The following EBF1 variants were observed in gnomAD, a reference collection of about 807,000 sequenced individuals.
The protein encoded by EBF1 is transcription factor COE1.
EBF1 carries 10 observed loss-of-function variants against 68.4 expected under a neutral mutation model. That is an observed-to-expected ratio of 0.15 (90% confidence interval 0.09 to 0.25). The LOEUF (loss-of-function observed/expected upper bound fraction) is 0.25. EBF1 is among the 10% of genes least tolerant of loss of function. The pLI is 1.00. For synonymous variants in EBF1, 298 were observed against 299.8 expected, an observed-to-expected ratio of 0.99 and a Z score of 0.06; for missense variants, 509 against 794.4, an observed-to-expected ratio of 0.64 and a Z score of 4.32.
chr5:159,084,968 A>T (rs1437332168), intron 4 of EBF1, among the ~76,000 whole-genome samples: 2 of 152,156 alleles, frequency 1.3e-5, no homozygotes, highest in African/African-American at 4.8e-5. Flanking sequence ...ACATCTCTGG[A>T]TCAGAGTATG....
chr5:158,743,594 C>T (rs578067098), intron 10 of EBF1, among the ~76,000 whole-genome samples: 1 of 152,108 alleles, frequency 6.6e-6, no homozygotes, highest in Admixed American at 6.5e-5. Flanking sequence ...AAATAAAAGA[C>T]CAACTAATGA....
At chr5:159,048,306 A>G (rs956818836) in intron 6 of EBF1, among the ~76,000 whole-genome samples, 19 of 152,340 alleles carry the variant, frequency 1.2e-4, no homozygotes, top group Non-Finnish European at 2.4e-4. Context: ...CTCAGCTTCT[A>G]TAACAGATGC....
intron 6 of EBF1, among the ~76,000 whole-genome samples, chr5:158,957,682 A>G (rs549264570): frequency 4.6e-5 from 7 of 152,350 alleles, no homozygotes; most frequent in Admixed American, 3.9e-4. Context: ...CTGGCACCAG[A>G]GGCTGAATCA....
intron 6 of EBF1, among the ~76,000 whole-genome samples, chr5:158,845,346 G>A (rs545353525): frequency 1.1e-4 from 17 of 152,246 alleles, no homozygotes; most frequent in South Asian, 4.1e-4. Context: ...AGCTTTCACC[G>A]TAATTTTAGC....
In EBF1 at chr5:158,944,076, T is replaced by A. The variant is rs565667908; in HGVS notation, c.555-103966A>T. On this transcript the variant is annotated intron_variant, in intron 6 of 15. Transcript: ENST00000313708. Reference sequence around the variant, plus strand: ...TTGAAATTCATCAGTTATTCTTTACTTTTTTATTATTATACTTTAAGTTCT... The same window carrying A: ...TTGAAATTCATCAGTTATTCTTTACATTTTTATTATTATACTTTAAGTTCT... Among the ~76,000 whole-genome samples the A allele has an allele frequency of 2.6e-5, 4 of 152,328 alleles. No homozygotes were observed. The East Asian group carries it at 7.7e-4, about 29-fold the overall frequency.
In EBF1 at chr5:158,721,957, A is replaced by G. The variant is rs537227299; in HGVS notation, c.1126-7775T>C. 2.7e-5 allele frequency among the ~76,000 whole-genome samples: 4 copies of G among 150,688 alleles called. No homozygotes were observed. In the East Asian group the frequency reaches 7.8e-4, roughly 30 times the overall value. On this transcript the variant is annotated intron_variant, in intron 11 of 15. Coordinates refer to ENST00000313708, the MANE Select transcript of EBF1 (RefSeq NM_024007.5). ...TTTTCTTCTAAATGGTGTCATGGTA[A>G]TTGGTGAATGGGAGCCTGGGGTGCT...
intron 6 of EBF1, among the ~76,000 whole-genome samples, chr5:158,976,682 T>C (rs1228207666): frequency 6.6e-6 from 1 of 152,204 alleles, no homozygotes; most frequent in East Asian, 1.9e-4. Flanking sequence ...ACCCATAAAA[T>C]GTAACCTAAA....
intron 10 of EBF1, among the ~76,000 whole-genome samples, chr5:158,744,405 G>A (rs1767108185): frequency 6.6e-6 from 1 of 152,110 alleles, no homozygotes; most frequent in South Asian, 2.1e-4. Context: ...AATATAAGGT[G>A]TTATCAACAC....
chr5:159,030,910 T>G (rs1018639824), intron 6 of EBF1, among the ~76,000 whole-genome samples: 6 of 152,154 alleles, frequency 3.9e-5, no homozygotes, highest in African/African-American at 7.2e-5. Context: ...TGGTGGTTCA[T>G]GCCTATAATC....
At chr5:159,047,624 T>C (rs960522897) in intron 6 of EBF1, among the ~76,000 whole-genome samples, 1 of 152,166 alleles carries the variant, frequency 6.6e-6, no homozygotes, top group Admixed American at 6.5e-5. Context: ...TGTTTTGACA[T>C]TGAGTTTTCA....
intron 6 of EBF1, among the ~76,000 whole-genome samples, chr5:158,919,171 G>C (rs921433446): frequency 6.6e-6 from 1 of 152,144 alleles, no homozygotes; most frequent in African/African-American, 2.4e-5. Context: ...ACCTCCCAAA[G>C]AGCAAGAAAC....
intron 6 of EBF1, among the ~76,000 whole-genome samples, chr5:158,987,463 C>G (rs1333593146): frequency 5.3e-5 from 8 of 152,090 alleles, no homozygotes; most frequent in Non-Finnish European, 5.9e-5. Context: ...CTTTTAATAC[C>G]CATTATTTCA....
intron 10 of EBF1, among the ~76,000 whole-genome samples, chr5:158,756,132 T>C (rs1318174663): frequency 3.9e-5 from 6 of 152,094 alleles, no homozygotes; most frequent in Non-Finnish European, 8.8e-5. Flanking sequence ...TACTGGAGTC[T>C]TGGTTGAGCC....
intron 6 of EBF1, among the ~76,000 whole-genome samples, chr5:159,050,115 C>T (rs571525380): frequency 1.3e-5 from 2 of 151,878 alleles, no homozygotes; most frequent in Admixed American, 1.3e-4. Context: ...AACCAGGGGA[C>T]AGCGGGGAGA....
At chr5:159,007,809 G>A (rs1433336798) in intron 6 of EBF1, among the ~76,000 whole-genome samples, 1 of 151,876 alleles carries the variant, frequency 6.6e-6, no homozygotes, top group African/African-American at 2.4e-5. Context: ...TCAGAAATGA[G>A]GGGTGTTAGA....
intron 15 of EBF1, among the ~76,000 whole-genome samples, chr5:158,707,014 C>G (rs753505363): frequency 3.3e-5 from 5 of 152,228 alleles, no homozygotes; most frequent in African/African-American, 7.2e-5. Flanking sequence ...TCTCTTTTAG[C>G]ACCTCTGAAT....
intron 6 of EBF1, among the ~76,000 whole-genome samples, chr5:159,023,120 C>T (rs925682586): frequency 8.6e-5 from 13 of 151,672 alleles, no homozygotes; most frequent in East Asian, 7.8e-4. Flanking sequence ...AGCTGTGCTT[C>T]ACTGCAGAAA....
intron 6 of EBF1, among the ~76,000 whole-genome samples, chr5:158,883,357 TATATAC>T (rs1433769105): frequency 2.0e-5 from 3 of 151,276 alleles, no homozygotes; most frequent in Non-Finnish European, 4.4e-5. Context: ...TGTATATATA[TATATAC>T]ACATACATAC....
rs60867564 is a variant in EBF1, at chr5:158,897,054, G to A, written c.555-56944C>T. ...TTGTTAAGGGTCTATTAGACCCTTAGTATTACTGCAGGGCAACTGAAATCA... is the reference window on the plus strand; with the variant it reads ...TTGTTAAGGGTCTATTAGACCCTTAATATTACTGCAGGGCAACTGAAATCA... On this transcript the variant is annotated intron_variant, in intron 6 of 15. Coordinates refer to ENST00000313708, the MANE Select transcript of EBF1 (RefSeq NM_024007.5). Among the ~76,000 whole-genome samples the A allele has an allele frequency of 5.6e-3, 850 of 152,264 alleles. 9 individuals are homozygous for A. The highest frequency in any genetic ancestry group is 0.019 in the African/African-American group (804 of 41,546).
Sources: allele counts gnomAD v4.1 joint callset (sites outside exome capture counted in the v4.1 genomes callset), GRCh38; gene constraint gnomAD v4.1.1; transcripts MANE v1.5; gene names NCBI Gene and HGNC (gene_info 2026-07-23, HGNC 2026-07-21).